SEC62: variants seen among roughly 807,000 people sequenced by gnomAD.
The protein encoded by SEC62 is SEC62 preprotein translocation factor, also known as translocation protein SEC62.
SEC62 carries 10 observed loss-of-function variants against 47.5 expected under a neutral mutation model. That is an observed-to-expected ratio of 0.21 (90% confidence interval 0.13 to 0.36). SEC62 has a LOEUF of 0.36. Among genes scored for constraint, SEC62 ranks in the 10% least tolerant of loss-of-function variants. SEC62 has a pLI of 1.00. For synonymous variants in SEC62, 136 were observed against 150.5 expected (o/e 0.90, Z 0.71); for missense variants, 327 against 464.1 (o/e 0.70, Z 2.71).
rs762051957 is a variant in SEC62 at position 169,988,236 on chromosome 3, C to G, written c.611-4C>G. ...AATTTAACTTTTGTCATTTCTTGTT[C>G]CAGTGATTGCAGTAATAGCGGCCAC... On this transcript the variant is annotated splice_polypyrimidine_tract_variant and splice_region_variant and intron_variant, in intron 6 of 7. Transcript: ENST00000337002. 6.2e-7 allele frequency: 1 copy of G among 1,612,794 alleles called. No homozygotes were observed. The highest frequency in any genetic ancestry group is 1.7e-5 in the Admixed American group (1 of 59,968).
intron 7 of SEC62, among the ~76,000 whole-genome samples, chr3:169,991,316 G>A (rs115056338): frequency 0.017 from 2,590 of 152,208 alleles, 28 homozygotes; most frequent in Non-Finnish European, 0.028. Context: ...CAACTACTCG[G>A]GAGGCTGAGG....
At chr3:169,978,811 A>T (rs1439786441) in intron 3 of SEC62, among the ~76,000 whole-genome samples, 1 of 152,202 alleles carries the variant, frequency 6.6e-6, no homozygotes, top group Non-Finnish European at 1.5e-5. Flanking sequence ...AAGAGATGCT[A>T]CAAATGCAGA....
intron 6 of SEC62, among the ~76,000 whole-genome samples, chr3:169,987,776 G>A (rs930537507): frequency 6.6e-6 from 1 of 152,200 alleles, no homozygotes; most frequent in African/African-American, 2.4e-5. Flanking sequence ...ATCACCTGGG[G>A]AATCTTTCAG....
chr3:169,987,410 C>T (rs974679605), intron 6 of SEC62, among the ~76,000 whole-genome samples: 1 of 152,144 alleles, frequency 6.6e-6, no homozygotes, highest in African/African-American at 2.4e-5. Context: ...CAGAGTAAGA[C>T]TCTGTTTCAG....
intron 1 of SEC62, among the ~76,000 whole-genome samples, chr3:169,969,992 G>A (rs1714657841): frequency 6.6e-6 from 1 of 152,134 alleles, no homozygotes; most frequent in Admixed American, 6.5e-5. Context: ...TTTCAGGACA[G>A]GGAAGAAAAG....
chr3:169,984,997 T>G (rs1466391052), intron 5 of SEC62: 2 of 151,774 alleles, frequency 1.3e-5, no homozygotes, highest in African/African-American at 2.4e-5. Context: ...CATGGAGGAG[T>G]AGGCAATGAA....
At chr3:169,966,887 C>G in intron 1 of SEC62, 29 bp downstream of exon 1, 1 of 1,475,842 alleles carries the variant, frequency 6.8e-7, no homozygotes, top group African/African-American at 1.4e-5. Context: ...GGGCAGGGGG[C>G]TTCGGCGCGC....
At chr3:169,969,178 C>G in intron 1 of SEC62, 2 of 369,552 alleles carry the variant, frequency 5.4e-6, no homozygotes, top group South Asian at 2.0e-5. Flanking sequence ...TTAATAGATT[C>G]AGTGATCTTT....
intron 3 of SEC62, among the ~76,000 whole-genome samples, chr3:169,978,174 G>A (rs1714881159): frequency 6.6e-6 from 1 of 152,068 alleles, no homozygotes; most frequent in South Asian, 2.1e-4. Context: ...AGCTACTCGG[G>A]AGGCTGAGGC....
At chr3:169,983,838 G>A (rs1415920756) in intron 5 of SEC62, 1 of 152,126 alleles carries the variant, frequency 6.6e-6, no homozygotes, top group Non-Finnish European at 1.5e-5. Flanking sequence ...CCGAAATGTA[G>A]GGTTTCCATT....
chr3:169,972,873 G>A (rs182545260), intron 1 of SEC62, among the ~76,000 whole-genome samples: 92 of 152,278 alleles, frequency 6.0e-4, no homozygotes, highest in Non-Finnish European at 1.2e-3. Flanking sequence ...GATAGGGTGA[G>A]TACTCTGTAA....
In SEC62 at chr3:169,998,028, G is replaced by A. The variant is rs974619661; in HGVS notation, c.*4965G>A. 1.3e-5 allele frequency: 2 copies of A among 152,182 alleles called. No individual in the cohort carries two copies. Among genetic ancestry groups the A allele is most frequent in the African/African-American group, 4.8e-5 (2 of 41,430 alleles). 9.4% of individuals were successfully genotyped at this position (152,182 alleles called of 1,614,324 possible). ...GTTACTGCTAGTACAACTGTGGATTGTTGTCTGCACTCGTCATTGAAGGAA... is the reference window on the plus strand; with the variant it reads ...GTTACTGCTAGTACAACTGTGGATTATTGTCTGCACTCGTCATTGAAGGAA... On this transcript the variant is annotated 3_prime_UTR_variant, in exon 8 of 8. Transcript: ENST00000337002.
rs760164005 is a variant in SEC62, at chr3:169,985,798, C to G, written c.550-7C>G. ...TTTTAAGCACCGAGGTTTCTTGATTCTTCTAGGTGTATGTATGGATCTATG... is the reference window on the plus strand; with the variant it reads ...TTTTAAGCACCGAGGTTTCTTGATTGTTCTAGGTGTATGTATGGATCTATG... On this transcript the variant is annotated splice_polypyrimidine_tract_variant and splice_region_variant and intron_variant, in intron 5 of 7. Coordinates refer to ENST00000337002, the MANE Select transcript of SEC62 (RefSeq NM_003262.4). The G allele has an allele frequency of 3.1e-5, 49 of 1,605,964 alleles. No individual in the cohort carries two copies. The highest frequency in any genetic ancestry group is 4.0e-5 in the Non-Finnish European group (47 of 1,176,546).
rs1010085463 is a variant in SEC62, at chr3:169,995,109, A to C, written c.*2046A>C. On this transcript the variant is annotated 3_prime_UTR_variant, in exon 8 of 8. Transcript: ENST00000337002. ...CCTCTATTACAATCCTCAGTGGAAT[A>C]GATGGCTATCTTTCTTGGCTAACAT... The C allele has an allele frequency of 6.6e-6, 1 of 152,244 alleles. No individual in the cohort carries two copies. Among genetic ancestry groups the C allele is most frequent in the African/African-American group, 2.4e-5 (1 of 41,478 alleles). The allele number at this position is 152,244 out of a possible 1,614,324, so 9.4% of individuals were successfully genotyped here.
At chr3:169,971,068 C>CTT (rs747459014) in intron 1 of SEC62, among the ~76,000 whole-genome samples, 5 of 136,974 alleles carry the variant, frequency 3.7e-5, no homozygotes, top group Non-Finnish European at 3.2e-5. Context: ...TCTCATGGTA[C>CTT]TTTTTTTTTT....
intron 7 of SEC62, among the ~76,000 whole-genome samples, chr3:169,990,670 C>T (rs1715229750): frequency 6.6e-6 from 1 of 152,032 alleles, no homozygotes. Context: ...TGTACAGCCT[C>T]CTTAAATTCA....
At chr3:169,981,819 G>C (rs1198023371) in intron 3 of SEC62, among the ~76,000 whole-genome samples, 1 of 152,166 alleles carries the variant, frequency 6.6e-6, no homozygotes, top group African/African-American at 2.4e-5. Flanking sequence ...AAATTATATA[G>C]TGAGTTAGAA....
In SEC62 at chr3:169,983,082, T is replaced by G. The variant is rs139052532; in HGVS notation, c.457-79T>G. 2.2e-4 allele frequency: 321 copies of G among 1,454,626 alleles called. No individual in the cohort carries two copies. The African/African-American group carries it at 3.7e-3, about 17-fold the overall frequency. The allele number at this position is 1,454,626 out of a possible 1,614,324, so 90.1% of individuals were successfully genotyped here. A position where few individuals can be genotyped will look rare whatever the true frequency, so the allele number is the denominator to read the frequency against. On this transcript the variant is annotated intron_variant, in intron 4 of 7. Coordinates refer to ENST00000337002, the MANE Select transcript of SEC62 (RefSeq NM_003262.4). ...TTATTTCTGTGTTACAAATAGTCAG[T>G]GAAAGTTTTTTGACTGTATGAACAT...
rs75258933 is a variant in SEC62 at position 169,987,230 on chromosome 3, C to G, written c.611-1010C>G. On this transcript the variant is annotated intron_variant, in intron 6 of 7. Coordinates refer to ENST00000337002, the MANE Select transcript of SEC62 (RefSeq NM_003262.4). Reference sequence around the variant, plus strand: ...TGGCTTGAATCCAAGGGTTCGAAACCAGCCTAGGCAACATGGCGAAACCTC... The same window carrying G: ...TGGCTTGAATCCAAGGGTTCGAAACGAGCCTAGGCAACATGGCGAAACCTC... 5.5e-3 allele frequency among the ~76,000 whole-genome samples: 830 copies of G among 152,084 alleles called. 41 individuals are homozygous for G. The East Asian group carries it at 0.13, about 25-fold the overall frequency.
Sources: gnomAD v4.1 joint callset for allele counts (sites outside exome capture counted in the v4.1 genomes callset) on GRCh38, gnomAD v4.1.1 for gene constraint, MANE v1.5 for transcripts, NCBI Gene and HGNC (gene_info 2026-07-23, HGNC 2026-07-21) for gene names.